CMTM8: variants seen among roughly 807,000 people sequenced by gnomAD.
CMTM8 encodes the protein CKLF-like MARVEL transmembrane domain-containing protein 8.
CMTM8 carries 12 observed loss-of-function variants against 18.6 expected under a neutral mutation model. The observed-to-expected ratio is 0.65, with a 90% CI of 0.41 to 1.05. CMTM8 has a LOEUF of 1.05. CMTM8 is among the 50% of genes least tolerant of loss of function. CMTM8 has a pLI of 0.00. For missense variants in CMTM8, 217 were observed against 227.2 expected (o/e 0.95, Z 0.29); for synonymous variants, 87 against 90.6 (o/e 0.96, Z 0.23).
At chr3:32,301,099 T>C (rs917427099) in intron 1 of CMTM8, among the ~76,000 whole-genome samples, 6 of 152,170 alleles carry the variant, frequency 3.9e-5, no homozygotes, top group African/African-American at 1.4e-4. Flanking sequence ...ATGGGAAGGA[T>C]TTCTTATGGC....
chr3:32,302,470 A>T (rs1695639403), intron 1 of CMTM8, among the ~76,000 whole-genome samples: 1 of 152,232 alleles, frequency 6.6e-6, no homozygotes, highest in Non-Finnish European at 1.5e-5. Flanking sequence ...GTTAGTTTTA[A>T]GTCTGAGAGC....
At chr3:32,305,302 C>T (rs1016969561) in intron 1 of CMTM8, among the ~76,000 whole-genome samples, 6 of 148,588 alleles carry the variant, frequency 4.0e-5, no homozygotes, top group African/African-American at 1.5e-4. Flanking sequence ...GTGATCTCTG[C>T]TCACTGCAAG....
intron 1 of CMTM8, chr3:32,259,827 C>T: frequency 7.3e-6 from 6 of 817,510 alleles, no homozygotes; most frequent in South Asian, 6.8e-5. Context: ...ATGCCACTCA[C>T]GGAGCTGAGA....
At chr3:32,282,596 T>C (rs1455510595) in intron 1 of CMTM8, among the ~76,000 whole-genome samples, 1 of 152,192 alleles carries the variant, frequency 6.6e-6, no homozygotes, top group Non-Finnish European at 1.5e-5. Context: ...CTTAGCTGAT[T>C]TCCCTGCCTA....
upstream of CMTM8, chr3:32,238,379 C>G (rs898858837): frequency 1.3e-5 from 2 of 152,280 alleles, no homozygotes; most frequent in Non-Finnish European, 2.9e-5. Context: ...CCCCAATGCC[C>G]GCAGCCCCCG....
intron 1 of CMTM8, among the ~76,000 whole-genome samples, chr3:32,331,542 T>A (rs374197567): frequency 8.5e-5 from 11 of 129,786 alleles, no homozygotes; most frequent in East Asian, 2.2e-4. Context: ...AATGAACAAA[T>A]AAACCATACA....
intron 1 of CMTM8, among the ~76,000 whole-genome samples, chr3:32,342,210 T>C (rs539523535): frequency 6.6e-6 from 1 of 152,306 alleles, no homozygotes; most frequent in East Asian, 1.9e-4. Flanking sequence ...ATCGCACCAC[T>C]GCAGTCCAGC....
intron 1 of CMTM8, among the ~76,000 whole-genome samples, chr3:32,327,470 T>A (rs1472394882): frequency 6.6e-6 from 1 of 152,248 alleles, no homozygotes; most frequent in Non-Finnish European, 1.5e-5. Flanking sequence ...AGGAGGATTT[T>A]ATTTTTAAGG....
chr3:32,272,189 T>G (rs1702448716), intron 1 of CMTM8, among the ~76,000 whole-genome samples: 1 of 152,252 alleles, frequency 6.6e-6, no homozygotes, highest in South Asian at 2.1e-4. Flanking sequence ...ATGTTGGCAG[T>G]CAAAATTGCA....
rs1453531481 is a variant in CMTM8, at chr3:32,369,964, G to C, written c.519G>C (p.Gln173His). The C allele has an allele frequency of 2.6e-6, 4 of 1,557,446 alleles. No individual in the cohort carries two copies. The highest frequency in any genetic ancestry group is 3.5e-6 in the Non-Finnish European group (4 of 1,139,106). Residue 173 changes from glutamine to histidine, a missense_variant, in exon 4 of 4, where the codon CAG becomes CAC. By Grantham distance (24) the Gln-to-His change is conservative. Coordinates refer to ENST00000307526, the MANE Select transcript of CMTM8 (RefSeq NM_178868.5). ...SFIAWRSRTI[Q>H] ...TAGCATGGAGATCCAGGACCATACA[G>C]TGATTTACCATTTTGATAATTAAAA...
intron 1 of CMTM8, among the ~76,000 whole-genome samples, chr3:32,337,003 G>A (rs1266581563): frequency 2.6e-5 from 4 of 152,122 alleles, no homozygotes; most frequent in South Asian, 2.1e-4. Flanking sequence ...TTGAGGCGGT[G>A]CAGGGCATCA....
intron 1 of CMTM8, among the ~76,000 whole-genome samples, chr3:32,352,322 T>C (rs1045676446): frequency 6.6e-6 from 1 of 151,298 alleles, no homozygotes; most frequent in Admixed American, 6.6e-5. Context: ...TGAAGAAAAA[T>C]GCAAATTAAA....
intron 1 of CMTM8, among the ~76,000 whole-genome samples, chr3:32,267,079 T>G (rs1407764371): frequency 6.6e-6 from 1 of 152,116 alleles, no homozygotes; most frequent in Admixed American, 6.6e-5. Context: ...ATGACTTTCT[T>G]CACAGAATTG....
chr3:32,357,726 G>T (rs1333803555), intron 2 of CMTM8, among the ~76,000 whole-genome samples, 180 bp downstream of exon 2: 1 of 152,188 alleles, frequency 6.6e-6, no homozygotes, highest in Non-Finnish European at 1.5e-5. Flanking sequence ...TTACACCTGG[G>T]TGTGAAACTG....
chr3:32,307,976 G>A (rs558740672), intron 1 of CMTM8, among the ~76,000 whole-genome samples: 1 of 152,366 alleles, frequency 6.6e-6, no homozygotes, highest in East Asian at 1.9e-4. Context: ...TTTAGGCTCT[G>A]AGAAGCCAAG....
chr3:32,352,150 C>T (rs13093365), intron 1 of CMTM8, among the ~76,000 whole-genome samples: 75,973 of 142,838 alleles, frequency 0.53, 20,962 homozygotes, highest in Non-Finnish European at 0.61. Flanking sequence ...TGCACTCCAG[C>T]CTGGGTGATG....
intron 1 of CMTM8, among the ~76,000 whole-genome samples, chr3:32,312,343 G>A (rs1370483666): frequency 4.6e-5 from 7 of 152,136 alleles, no homozygotes; most frequent in Non-Finnish European, 8.8e-5. Context: ...CACAATTTCT[G>A]TCTGACTTAG....
intron 2 of CMTM8, among the ~76,000 whole-genome samples, chr3:32,361,286 G>GTTTGTTTTTTTTTTTTTTTTTTTTTTTT (rs140270969): frequency 5.7e-5 from 5 of 87,226 alleles, no homozygotes; most frequent in Non-Finnish European, 9.5e-5. Flanking sequence ...CAGCCTAAGA[G>GTTTGTTTTTTTTTTTTTTTTTTTTTTTT]TTTTTTTTTC....
intron 1 of CMTM8, among the ~76,000 whole-genome samples, chr3:32,342,664 C>T (rs1696521820): frequency 1.3e-5 from 2 of 152,194 alleles, no homozygotes; most frequent in East Asian, 3.9e-4. Flanking sequence ...TCAGTCCATA[C>T]ATGCAGGGAG....
Sources: allele counts gnomAD v4.1 joint callset (sites outside exome capture counted in the v4.1 genomes callset), GRCh38; gene constraint gnomAD v4.1.1; transcripts MANE v1.5; gene names NCBI Gene and HGNC (gene_info 2026-07-23, HGNC 2026-07-21).